Variants in ST3GAL3 observed in about 807,000 individuals in gnomAD.
The protein encoded by ST3GAL3 is CMP-N-acetylneuraminate-beta-1,4-galactoside alpha-2,3-sialyltransferase.
A neutral mutation model predicts 50.1 loss-of-function variants in ST3GAL3; 21 were observed. The observed-to-expected ratio is 0.42, with a 90% CI of 0.30 to 0.60. The LOEUF (loss-of-function observed/expected upper bound fraction) is 0.60, where lower values mean the gene tolerates loss of function less well. Ranked by LOEUF, ST3GAL3 falls within the 20% of genes least tolerant of loss-of-function variation. The pLI, the probability that ST3GAL3 is intolerant of heterozygous loss-of-function variation, is 0.19. For missense variants in ST3GAL3, 353 were observed against 489.4 expected (o/e 0.72, Z 2.63); for synonymous variants, 183 against 190.0 (o/e 0.96, Z 0.30).
intron 1 of ST3GAL3, among the ~76,000 whole-genome samples, chr1:43,729,576 G>A (rs1674685429): frequency 6.6e-6 from 1 of 152,104 alleles, no homozygotes; most frequent in Admixed American, 6.6e-5. Context: ...CCCCTCACAT[G>A]GACTAATGTC....
At chr1:43,875,666 G>A (rs147890796) in intron 5 of ST3GAL3, among the ~76,000 whole-genome samples, 1 of 152,094 alleles carries the variant, frequency 6.6e-6, no homozygotes, top group East Asian at 1.9e-4. Flanking sequence ...GAAGGTGCCT[G>A]CTCCTGTTTC....
At chr1:43,789,059 T>C (rs1477172957) in intron 2 of ST3GAL3, among the ~76,000 whole-genome samples, 4 of 151,992 alleles carry the variant, frequency 2.6e-5, no homozygotes, top group African/African-American at 9.7e-5. Flanking sequence ...CTCAAGGTGG[T>C]AAATGAGGCA....
At chr1:43,762,058 A>C (rs12741160) in intron 2 of ST3GAL3, among the ~76,000 whole-genome samples, 37 of 151,356 alleles carry the variant, frequency 2.4e-4, no homozygotes, top group Non-Finnish European at 3.4e-4. Flanking sequence ...TTGAGCCCAG[A>C]AGTTTGAGAC....
intron 2 of ST3GAL3, among the ~76,000 whole-genome samples, chr1:43,770,348 C>T (rs1394207157): frequency 1.3e-5 from 2 of 151,410 alleles, no homozygotes; most frequent in Non-Finnish European, 2.9e-5. Context: ...TAGCTGTGTG[C>T]GTAAATTAAC....
intron 11 of ST3GAL3, chr1:43,922,036 C>T (rs1204642595): frequency 3.3e-6 from 1 of 303,330 alleles, no homozygotes; most frequent in Non-Finnish European, 6.0e-6. Flanking sequence ...CTCTCACATT[C>T]TCTTTCTCAG....
At position 43,751,725 on chromosome 1, in the gene ST3GAL3, T is replaced by G. The variant is rs140974849; in HGVS notation, c.118+15345T>G. ...TAGAGTATTCCTGGCGTATTCTGTGTCAGGTCTTTGGGATAGAAAGATGAA... is the reference window on the plus strand; with the variant it reads ...TAGAGTATTCCTGGCGTATTCTGTGGCAGGTCTTTGGGATAGAAAGATGAA... On this transcript the variant is annotated intron_variant, in intron 2 of 11. Coordinates refer to ENST00000347631, the MANE Select transcript of ST3GAL3 (RefSeq NM_006279.5). Among the ~76,000 whole-genome samples the G allele has an allele frequency of 5.6e-4, 85 of 152,328 alleles. 1 individual carries two copies. The East Asian group carries it at 0.016, about 28-fold the overall frequency.
At chr1:43,882,445 A>T (rs991385050) in intron 5 of ST3GAL3, among the ~76,000 whole-genome samples, 4 of 152,284 alleles carry the variant, frequency 2.6e-5, no homozygotes, top group East Asian at 1.9e-4. Flanking sequence ...GCAGTTGGTA[A>T]TATCCCATGT....
intron 9 of ST3GAL3, chr1:43,920,119 A>C: frequency 2.1e-6 from 1 of 475,762 alleles, no homozygotes; most frequent in Non-Finnish European, 3.9e-6. Context: ...ACAGCAGCAC[A>C]CCCACAGCAT....
chr1:43,853,555 C>T (rs2067752519), intron 5 of ST3GAL3, among the ~76,000 whole-genome samples: 1 of 152,212 alleles, frequency 6.6e-6, no homozygotes, highest in South Asian at 2.1e-4. Context: ...GCTGCTGTTT[C>T]ATGGGCAGGC....
At chr1:43,735,776 C>G (rs372760874) in intron 1 of ST3GAL3, among the ~76,000 whole-genome samples, 1 of 152,106 alleles carries the variant, frequency 6.6e-6, no homozygotes, top group African/African-American at 2.4e-5. Context: ...CAGTAGAGAA[C>G]GAATGCAAAG....
chr1:43,861,993 ACTC>A (rs1356511503), intron 5 of ST3GAL3, among the ~76,000 whole-genome samples: 2 of 149,970 alleles, frequency 1.3e-5, no homozygotes, highest in African/African-American at 4.9e-5. Flanking sequence ...ACGCCATTGT[ACTC>A]CTGCCTGGGC....
In ST3GAL3 at chr1:43,898,288, G is replaced by A; in HGVS notation, c.451G>A (p.Ala151Thr). The A allele has an allele frequency of 1.2e-6, 2 of 1,613,670 alleles. No individual in the cohort carries two copies. Among genetic ancestry groups the A allele is most frequent in the Non-Finnish European group, 8.5e-7 (1 of 1,180,038 alleles). ...CACCAAAGAGTACCGCCTGACCCCT[G>A]CCTTGGACAGGTGAGCCACACACTG... ...SVTKEYRLTP[A>T]LDSLRCRRCI... The change falls in exon 7 of 12, where the codon GCC (alanine) becomes ACC (threonine). Residue 151 changes from alanine (A) to threonine (T), a missense_variant. Ala to Thr is a moderately conservative substitution (Grantham distance 58). Transcript: ENST00000347631.
chr1:43,824,889 C>T, intron 4 of ST3GAL3: 1 of 770,608 alleles, frequency 1.3e-6, no homozygotes, highest in South Asian at 1.4e-5. Context: ...TTAAAGCTGC[C>T]CAGGTGAGTC....
chr1:43,847,833 G>A (rs1301614822), intron 5 of ST3GAL3, among the ~76,000 whole-genome samples: 2 of 151,968 alleles, frequency 1.3e-5, no homozygotes, highest in African/African-American at 4.8e-5. Flanking sequence ...TTTAATGAGA[G>A]GGAAAATTCT....
intron 5 of ST3GAL3, among the ~76,000 whole-genome samples, chr1:43,880,903 A>G (rs1000187574): frequency 6.6e-6 from 1 of 152,138 alleles, no homozygotes; most frequent in Non-Finnish European, 1.5e-5. Context: ...CTCAGTTGTC[A>G]TTGCTATTAT....
At chr1:43,865,877 T>C (rs934051298) in intron 5 of ST3GAL3, among the ~76,000 whole-genome samples, 3 of 152,224 alleles carry the variant, frequency 2.0e-5, no homozygotes, top group African/African-American at 4.8e-5. Flanking sequence ...TCTTTCTTTT[T>C]TGTTTTAGTT....
At chr1:43,735,120 C>T (rs1677826462) in intron 1 of ST3GAL3, among the ~76,000 whole-genome samples, 1 of 152,096 alleles carries the variant, frequency 6.6e-6, no homozygotes, top group African/African-American at 2.4e-5. Context: ...GAGGCTCAGT[C>T]AGAAACCGCT....
At chr1:43,904,539 A>G (rs537389431) in intron 9 of ST3GAL3, among the ~76,000 whole-genome samples, 32 of 151,878 alleles carry the variant, frequency 2.1e-4, no homozygotes, top group Non-Finnish European at 3.7e-4. Flanking sequence ...GCCTGTTGCC[A>G]TATCTTAACC....
Position 43,894,395 on chromosome 1 carries a change from A to G in ST3GAL3, c.315A>G (p.Pro105=), listed in dbSNP as rs797046014. The change falls in exon 6 of 12, where the codon CCA becomes CCG. Residue 105 remains proline (P), a synonymous_variant. Coordinates refer to ENST00000347631, the MANE Select transcript of ST3GAL3 (RefSeq NM_006279.5). ...TGTTATATTCCAGGTTCTCCAAGCC[A>G]GCACCCATGTTCCTGGATGACTCCT... ...MTAIFPRFSK[P]APMFLDDSFR... 1.2e-6 allele frequency: 2 copies of G among 1,614,188 alleles called. No individual in the cohort carries two copies. Among genetic ancestry groups the G allele is most frequent in the Non-Finnish European group, 1.7e-6 (2 of 1,180,022 alleles).
Sources: allele counts gnomAD v4.1 joint callset (sites outside exome capture counted in the v4.1 genomes callset), GRCh38; gene constraint gnomAD v4.1.1; transcripts MANE v1.5; gene names NCBI Gene and HGNC (gene_info 2026-07-23, HGNC 2026-07-21).